REC114: variants seen among roughly 807,000 people sequenced by gnomAD.
The protein encoded by REC114 is REC114 meiotic recombination protein, also known as meiotic recombination protein REC114.
REC114 carries 27 observed loss-of-function variants against 31.3 expected under a neutral mutation model. The observed-to-expected ratio is 0.86, with a 90% CI of 0.64 to 1.19. The LOEUF (loss-of-function observed/expected upper bound fraction) is 1.19, where lower values mean the gene tolerates loss of function less well. Among genes scored for constraint, REC114 ranks in the 50% most tolerant of loss-of-function variants. The pLI is 0.00. For synonymous variants in REC114, 134 were observed against 127.7 expected (o/e 1.05, Z -0.33); for missense variants, 344 against 326.9 (o/e 1.05, Z -0.40).
At chr15:73,444,853 C>T (rs1892744745) in intron 1 of REC114, among the ~76,000 whole-genome samples, 1 of 152,204 alleles carries the variant, frequency 6.6e-6, no homozygotes, top group Non-Finnish European at 1.5e-5. Context: ...CAGACAATTA[C>T]TCCTTGATCA....
chr15:73,486,834 C>T (rs1893377914), intron 2 of REC114, among the ~76,000 whole-genome samples: 1 of 152,178 alleles, frequency 6.6e-6, no homozygotes, highest in East Asian at 1.9e-4. Context: ...GTTGGGAGTT[C>T]GCAACCAGCC....
At chr15:73,558,099 G>A (rs974631655) in intron 5 of REC114, among the ~76,000 whole-genome samples, 1 of 152,130 alleles carries the variant, frequency 6.6e-6, no homozygotes, top group African/African-American at 2.4e-5. Flanking sequence ...AAGCACTTTG[G>A]GGGGCTGAGG....
chr15:73,551,919 G>A (rs1190687224), intron 4 of REC114, among the ~76,000 whole-genome samples: 2 of 152,062 alleles, frequency 1.3e-5, no homozygotes, highest in Admixed American at 6.5e-5. Flanking sequence ...TTCCCAACCC[G>A]GAAGACTTTT....
rs189357347 is a variant in REC114, at chr15:73,508,082, C to G, written c.250-32403C>G. 2.6e-4 allele frequency among the ~76,000 whole-genome samples: 40 copies of G among 152,084 alleles called. 1 individual carries two copies. Among genetic ancestry groups the G allele is most frequent in the Non-Finnish European group, 4.9e-4 (33 of 67,986 alleles). ...CAGTGGCTTTTGTTGGTTGGTTGTT[C>G]TTCTTGTTTTCTGTCTTCAGCTCTA... On this transcript the variant is annotated intron_variant, in intron 2 of 5. Coordinates refer to ENST00000331090, the MANE Select transcript of REC114 (RefSeq NM_001042367.2).
intron 2 of REC114, among the ~76,000 whole-genome samples, chr15:73,528,726 A>G (rs1472776745): frequency 6.6e-6 from 1 of 152,208 alleles, no homozygotes; most frequent in African/African-American, 2.4e-5. Flanking sequence ...TTGTTTATGT[A>G]TTGTTTGTGG....
At chr15:73,454,066 A>T (rs994023652) in intron 1 of REC114, among the ~76,000 whole-genome samples, 16 of 152,148 alleles carry the variant, frequency 1.1e-4, no homozygotes, top group African/African-American at 3.9e-4. Context: ...GTGTATACCT[A>T]TGTAACAAAC....
At chr15:73,516,238 G>C (rs1893856961) in intron 2 of REC114, among the ~76,000 whole-genome samples, 1 of 151,864 alleles carries the variant, frequency 6.6e-6, no homozygotes, top group South Asian at 2.1e-4. Context: ...TGCCCGCCTC[G>C]GCCTCCCAAA....
intron 1 of REC114, among the ~76,000 whole-genome samples, chr15:73,458,500 T>C (rs1892947870): frequency 1.3e-5 from 2 of 152,210 alleles, no homozygotes. Context: ...TAACATTTTG[T>C]ATTAGGATTA....
intron 4 of REC114, among the ~76,000 whole-genome samples, chr15:73,555,619 C>A (rs1894455880): frequency 6.6e-6 from 1 of 152,122 alleles, no homozygotes; most frequent in Non-Finnish European, 1.5e-5. Context: ...TTGTTAGGTT[C>A]TCACTGGGTT....
chr15:73,523,315 AC>A (rs1893961707), intron 2 of REC114, among the ~76,000 whole-genome samples: 2 of 151,670 alleles, frequency 1.3e-5, no homozygotes, highest in South Asian at 2.1e-4. Flanking sequence ...AGATTTATAG[AC>A]CAAAAAAAAA....
intron 1 of REC114, 84 bp downstream of exon 1, chr15:73,443,428 C>T (rs1387486477): frequency 4.2e-6 from 6 of 1,419,166 alleles, no homozygotes; most frequent in Non-Finnish European, 5.6e-6. Flanking sequence ...GCCAGTGCCC[C>T]GAAAGCAATG....
chr15:73,445,544 C>G (rs1189141803), intron 1 of REC114, among the ~76,000 whole-genome samples: 1 of 151,982 alleles, frequency 6.6e-6, no homozygotes, highest in Non-Finnish European at 1.5e-5. Context: ...ACATGCCTTC[C>G]TCACTAAGCT....
chr15:73,470,834 A>C (rs1285515649), intron 1 of REC114, among the ~76,000 whole-genome samples: 3 of 152,196 alleles, frequency 2.0e-5, no homozygotes, highest in Non-Finnish European at 2.9e-5. Flanking sequence ...AGATGGAGTG[A>C]GTCGTGGTAT....
chr15:73,543,050 C>A (rs186159632), intron 3 of REC114, among the ~76,000 whole-genome samples: 2 of 151,750 alleles, frequency 1.3e-5, no homozygotes, highest in East Asian at 3.9e-4. Flanking sequence ...TCCTCTCCAA[C>A]GTGGTGATAC....
At chr15:73,509,923 A>G (rs1301077365) in intron 2 of REC114, among the ~76,000 whole-genome samples, 6 of 151,698 alleles carry the variant, frequency 4.0e-5, no homozygotes, top group Middle Eastern at 3.4e-3. Context: ...TTGGCGATGC[A>G]GGCTCTTTTT....
At chr15:73,541,995 C>T (rs1023361666) in intron 3 of REC114, among the ~76,000 whole-genome samples, 26 of 151,880 alleles carry the variant, frequency 1.7e-4, no homozygotes, top group Admixed American at 2.0e-4. Flanking sequence ...GAAAAATCAG[C>T]TATAATGGCC....
At chr15:73,510,796 C>T (rs1178574218) in intron 2 of REC114, among the ~76,000 whole-genome samples, 1 of 149,212 alleles carries the variant, frequency 6.7e-6, no homozygotes, top group Non-Finnish European at 1.5e-5. Flanking sequence ...ATGAAGCCCA[C>T]TTGATCATGG....
rs924562088 is a variant in REC114 at position 73,493,002 on chromosome 15, AT to A, written c.249+19090del. The stretch of plus-strand genomic sequence containing the variant: ...TCTGCCATTTTTTTTACTCTTCTTT[AT>A]TTTTTTTTATTTTTATTTATTTATT... On this transcript the variant is annotated intron_variant, in intron 2 of 5. Coordinates refer to ENST00000331090, the MANE Select transcript of REC114 (RefSeq NM_001042367.2). Among the ~76,000 whole-genome samples, 7 of 148,372 alleles carry A rather than the reference AT, an allele frequency of 4.7e-5. No individual in the cohort carries two copies. In the East Asian group the frequency reaches 6.0e-4, roughly 13 times the overall value.
In REC114 at chr15:73,540,553, T is replaced by C; in HGVS notation, c.318T>C (p.Phe106=). 1 of 1,613,412 alleles carries C rather than the reference T, an allele frequency of 6.2e-7. No homozygotes were observed. Among genetic ancestry groups the C allele is most frequent in the Non-Finnish European group, 8.5e-7 (1 of 1,179,328 alleles). ...TAAGACGCGTGGATTGTCTGTTGTT[T>C]GGAACAACGATAAAGGCAAGATTTA... ...KIVRRVDCLL[F]GTTIKDKSRL... The change falls in exon 3 of 6, where the codon TTT becomes TTC. Residue 106 remains phenylalanine (F), a synonymous_variant. Coordinates refer to ENST00000331090, the MANE Select transcript of REC114 (RefSeq NM_001042367.2).
Sources: gnomAD v4.1 joint callset for allele counts (sites outside exome capture counted in the v4.1 genomes callset) on GRCh38, gnomAD v4.1.1 for gene constraint, MANE v1.5 for transcripts, NCBI Gene and HGNC (gene_info 2026-07-23, HGNC 2026-07-21) for gene names.